DLGAP2: variants seen among roughly 807,000 people sequenced by gnomAD.
DLGAP2 encodes disks large-associated protein 2.
Under a neutral mutation model 100.3 loss-of-function variants are expected in DLGAP2, and 26 were observed. The observed-to-expected ratio is 0.26, with a 90% CI of 0.19 to 0.36. The LOEUF (loss-of-function observed/expected upper bound fraction) is 0.36, where lower values mean the gene tolerates loss of function less well. Ranked by LOEUF, DLGAP2 falls within the 10% of genes least tolerant of loss-of-function variation. DLGAP2 has a pLI of 1.00. For synonymous variants in DLGAP2, 886 were observed against 630.1 expected (o/e 1.41, Z -6.08); for missense variants, 1,858 against 1,453.2 (o/e 1.28, Z -4.53).
At chr8:1,318,409 A>C (rs73170449) in intron 3 of DLGAP2, among the ~76,000 whole-genome samples, 2,042 of 151,098 alleles carry the variant, frequency 0.014, 18 homozygotes, top group Middle Eastern at 0.068. Flanking sequence ...GTCCATATCT[A>C]GTTCACCCAG....
intron 2 of DLGAP2, among the ~76,000 whole-genome samples, chr8:924,551 C>T (rs980092822): frequency 6.6e-6 from 1 of 151,962 alleles, no homozygotes; most frequent in Non-Finnish European, 1.5e-5. Context: ...GGGAAGCTGG[C>T]ACTGCATGCT....
intron 2 of DLGAP2, among the ~76,000 whole-genome samples, chr8:1,038,795 G>A (rs1046319533): frequency 2.6e-5 from 4 of 152,132 alleles, no homozygotes; most frequent in East Asian, 1.9e-4. Flanking sequence ...GTATAACTAC[G>A]ACCCCACATT....
chr8:1,173,043 G>A (rs1003079180), intron 2 of DLGAP2, among the ~76,000 whole-genome samples: 2 of 152,178 alleles, frequency 1.3e-5, no homozygotes, highest in Non-Finnish European at 2.9e-5. Flanking sequence ...TGATGGTGAT[G>A]TACAGATGGG....
intron 2 of DLGAP2, among the ~76,000 whole-genome samples, chr8:1,104,022 G>C (rs1001321433): frequency 6.6e-6 from 1 of 152,182 alleles, no homozygotes; most frequent in Admixed American, 6.5e-5. Context: ...AACACAAAGC[G>C]CTTGCTTGTG....
chr8:964,953 G>T (rs1024476958), intron 2 of DLGAP2, among the ~76,000 whole-genome samples: 5 of 152,016 alleles, frequency 3.3e-5, no homozygotes, highest in African/African-American at 1.2e-4. Context: ...CCGCACACAC[G>T]GCTCCTGAGC....
chr8:1,310,767 C>T (rs932819537), intron 3 of DLGAP2, among the ~76,000 whole-genome samples: 6 of 152,062 alleles, frequency 3.9e-5, no homozygotes, highest in Admixed American at 3.3e-4. Context: ...AGGCAATTCT[C>T]CTGCCTCAGC....
intron 3 of DLGAP2, among the ~76,000 whole-genome samples, chr8:1,352,349 C>T (rs1352703508): frequency 6.6e-6 from 1 of 152,002 alleles, no homozygotes; most frequent in Non-Finnish European, 1.5e-5. Flanking sequence ...CTGTGCTCCT[C>T]CTGTCCCCAG....
intron 3 of DLGAP2, among the ~76,000 whole-genome samples, chr8:1,381,789 G>GTC (rs1471215782): frequency 1.7e-5 from 2 of 115,224 alleles, no homozygotes; most frequent in Admixed American, 9.8e-5. Flanking sequence ...TCTAGTGTGT[G>GTC]TGTGTGTGTG....
chr8:1,087,583 C>T (rs1804018010), intron 2 of DLGAP2, among the ~76,000 whole-genome samples: 1 of 150,714 alleles, frequency 6.6e-6, no homozygotes, highest in Non-Finnish European at 1.5e-5. Flanking sequence ...CTCTCTGTGC[C>T]ATCTTCATCT....
At chr8:900,411 G>A (rs2128997273) in intron 1 of DLGAP2, among the ~76,000 whole-genome samples, 1 of 152,334 alleles carries the variant, frequency 6.6e-6, no homozygotes, top group African/African-American at 2.4e-5. Flanking sequence ...TCACGGTGTT[G>A]CTCCTGGAGC....
rs528211869 is a variant in DLGAP2 at position 940,533 on chromosome 8, A to T, written c.73+32567A>T. Among the ~76,000 whole-genome samples, 64 of 152,276 alleles carry T rather than the reference A, an allele frequency of 4.2e-4. 1 individual carries two copies. The Middle Eastern group carries it at 0.014, about 32-fold the overall frequency. On this transcript the variant is annotated intron_variant, in intron 2 of 14. Coordinates refer to ENST00000637795, the MANE Select transcript of DLGAP2 (RefSeq NM_001346810.2). The stretch of plus-strand genomic sequence containing the variant: ...TGAGGAACATGCAGGAGCTGACCAC[A>T]TCCGTGTCCATGACATGCGGTCAGA...
intron 2 of DLGAP2, among the ~76,000 whole-genome samples, chr8:1,028,080 C>T (rs1801863062): frequency 2.3e-5 from 3 of 132,752 alleles, no homozygotes; most frequent in Admixed American, 1.6e-4. Flanking sequence ...GCCAAGCGCC[C>T]GTTATTCTCC....
intron 1 of DLGAP2, among the ~76,000 whole-genome samples, chr8:788,144 G>C (rs939099334): frequency 2.6e-5 from 4 of 152,248 alleles, no homozygotes; most frequent in African/African-American, 9.6e-5. Context: ...GTTTGGTGAT[G>C]AAGTGTGGTA....
At chr8:1,304,949 C>G (rs778043384) in intron 3 of DLGAP2, among the ~76,000 whole-genome samples, 2 of 152,194 alleles carry the variant, frequency 1.3e-5, no homozygotes, top group East Asian at 3.9e-4. Context: ...ATATATATAC[C>G]CAGCTGAAGT....
chr8:968,797 G>A (rs35183862), intron 2 of DLGAP2, among the ~76,000 whole-genome samples: 17,398 of 152,130 alleles, frequency 0.11, 1,494 homozygotes, highest in Admixed American at 0.26. Flanking sequence ...TGGAAGCTGC[G>A]ACTCCACGTA....
At position 1,023,857 on chromosome 8, in the gene DLGAP2, A is replaced by ATGTGTGTGTGTGTGTGTGTGTGTGTGTG. The variant is rs149206104; in HGVS notation, c.73+115907_73+115934dup. The stretch of plus-strand genomic sequence containing the variant: ...GTCTGCAAGTGCTCAAACTTTATAT[A>ATGTGTGTGTGTGTGTGTGTGTGTGTGTG]TGTGTGTGTGTGTGTGTGTGTGTGT... On this transcript the variant is annotated intron_variant, in intron 2 of 14. Transcript: ENST00000637795. Among the ~76,000 whole-genome samples the ATGTGTGTGTGTGTGTGTGTGTGTGTGTG allele has an allele frequency of 5.4e-4, 70 of 128,938 alleles. 2 individuals carry two copies. Among genetic ancestry groups the ATGTGTGTGTGTGTGTGTGTGTGTGTGTG allele is most frequent in the East Asian group, 3.8e-3 (15 of 3,994 alleles). 84.6% of individuals were successfully genotyped at this position (128,938 alleles called of 152,430 possible).
At chr8:1,325,029 C>G (rs1178593313) in intron 3 of DLGAP2, among the ~76,000 whole-genome samples, 7 of 152,194 alleles carry the variant, frequency 4.6e-5, no homozygotes, top group Non-Finnish European at 1.0e-4. Flanking sequence ...ATCATTCTCT[C>G]AGTTTAGACC....
intron 1 of DLGAP2, among the ~76,000 whole-genome samples, chr8:864,646 T>C (rs1049030162): frequency 1.3e-5 from 2 of 152,150 alleles, no homozygotes; most frequent in East Asian, 1.9e-4. Context: ...GCTACAAGCA[T>C]AGGATTCAAG....
At chr8:1,185,368 G>C (rs572023329) in intron 2 of DLGAP2, among the ~76,000 whole-genome samples, 10 of 152,078 alleles carry the variant, frequency 6.6e-5, no homozygotes, top group African/African-American at 9.7e-5. Flanking sequence ...GTTGTCTCCA[G>C]GGCACTTTCA....
Sources: gnomAD v4.1 joint callset for allele counts (sites outside exome capture counted in the v4.1 genomes callset) on GRCh38, gnomAD v4.1.1 for gene constraint, MANE v1.5 for transcripts, NCBI Gene and HGNC (gene_info 2026-07-23, HGNC 2026-07-21) for gene names.